The following ZNF536 variants were observed in gnomAD, a reference collection of about 807,000 sequenced individuals.
The protein encoded by ZNF536 is zinc finger protein 536.
A neutral mutation model predicts 84.5 loss-of-function variants in ZNF536; 13 were observed. That is an observed-to-expected ratio of 0.15 (90% CI 0.10 to 0.24). The LOEUF (loss-of-function observed/expected upper bound fraction) is 0.24. ZNF536 is among the 10% of genes least tolerant of loss of function. The pLI is 1.00. For missense variants in ZNF536, 1,536 were observed against 1,747.5 expected (o/e 0.88, Z 2.16); for synonymous variants, 811 against 742.5 (o/e 1.09, Z -1.50).
intron 2 of ZNF536, among the ~76,000 whole-genome samples, chr19:30,452,646 G>C (rs1273432897): frequency 1.3e-5 from 2 of 152,208 alleles, no homozygotes; most frequent in South Asian, 4.1e-4. Flanking sequence ...GGAAGTCAGG[G>C]GAGTGAGTAG....
intron 1 of ZNF536, among the ~76,000 whole-genome samples, chr19:30,631,405 C>T (rs1244786075): frequency 6.6e-6 from 1 of 152,206 alleles, no homozygotes; most frequent in Non-Finnish European, 1.5e-5. Context: ...GGCCCAGTCT[C>T]CAGACCCGGC....
At chr19:30,481,086 T>C (rs1180901640) in intron 2 of ZNF536, among the ~76,000 whole-genome samples, 1 of 152,116 alleles carries the variant, frequency 6.6e-6, no homozygotes, top group Non-Finnish European at 1.5e-5. Context: ...AATACTATAT[T>C]TTTTCTTTCC....
At chr19:30,437,960 T>G (rs921079833) in intron 1 of ZNF536, among the ~76,000 whole-genome samples, 1 of 152,210 alleles carries the variant, frequency 6.6e-6, no homozygotes, top group Non-Finnish European at 1.5e-5. Flanking sequence ...TTTGCTTGCT[T>G]TTAATTGTGC....
At chr19:30,481,812 T>A (rs2054100260) in intron 2 of ZNF536, among the ~76,000 whole-genome samples, 1 of 152,120 alleles carries the variant, frequency 6.6e-6, no homozygotes, top group East Asian at 1.9e-4. Flanking sequence ...TAGTCTTTTA[T>A]CCCTCACCCC....
At chr19:30,551,311 G>A (rs1397170985) in intron 4 of ZNF536, among the ~76,000 whole-genome samples, 1 of 152,126 alleles carries the variant, frequency 6.6e-6, no homozygotes, top group Non-Finnish European at 1.5e-5. Flanking sequence ...AATGAAGGAA[G>A]GCTGCCTGGC....
At chr19:30,231,802 ATGTG>A (rs370690619) in intron 1 of ZNF536, among the ~76,000 whole-genome samples, 1 of 149,672 alleles carries the variant, frequency 6.7e-6, no homozygotes, top group South Asian at 2.1e-4. Flanking sequence ...GGTGGTGGTG[ATGTG>A]TGTGTGTGTG....
chr19:30,497,641 G>C (rs1028772608), intron 2 of ZNF536, among the ~76,000 whole-genome samples: 1 of 152,184 alleles, frequency 6.6e-6, no homozygotes, highest in South Asian at 2.1e-4. Flanking sequence ...GAAAGCAAGG[G>C]GGTGCCCCAG....
intron 1 of ZNF536, among the ~76,000 whole-genome samples, chr19:30,243,450 G>A (rs2024073808): frequency 6.6e-6 from 1 of 152,142 alleles, no homozygotes; most frequent in Non-Finnish European, 1.5e-5. Context: ...GCAGTCTGTA[G>A]TAAGAATTGT....
intron 2 of ZNF536, among the ~76,000 whole-genome samples, chr19:30,454,921 T>C (rs1243502256): frequency 6.6e-6 from 1 of 152,162 alleles, no homozygotes; most frequent in Admixed American, 6.5e-5. Flanking sequence ...TAATCCCAGC[T>C]ACTCGGGAGG....
At chr19:30,637,118 G>T (rs1322336737) in intron 1 of ZNF536, among the ~76,000 whole-genome samples, 1 of 152,108 alleles carries the variant, frequency 6.6e-6, no homozygotes, top group Non-Finnish European at 1.5e-5. Flanking sequence ...CAGCCTCTTG[G>T]GCAAAGTCCT....
At chr19:30,671,351 G>T (rs1213743435) in intron 1 of ZNF536, among the ~76,000 whole-genome samples, 1 of 152,228 alleles carries the variant, frequency 6.6e-6, no homozygotes, top group Non-Finnish European at 1.5e-5. Flanking sequence ...TCACTGGAAA[G>T]GTTGGCCCAG....
Position 30,244,258 on chromosome 19 carries a change from C to T in ZNF536, c.-190+15585C>T, listed in dbSNP as rs2024124152. ...ACTCCTTTCCACCTGACCCATCCCT[C>T]ATTACCCCGAGTTCTTCATAGAGTC... On this transcript the variant is annotated intron_variant, in intron 1 of 5. Transcript: ENST00000585628. Among the ~76,000 whole-genome samples, 2 of 152,116 alleles carry T rather than the reference C, an allele frequency of 1.3e-5. 1 individual carries two copies. Among genetic ancestry groups the T allele is most frequent in the Admixed American group, 1.3e-4 (2 of 15,276 alleles).
intron 2 of ZNF536, among the ~76,000 whole-genome samples, chr19:30,338,459 GTGA>G (rs765991767): frequency 8.7e-5 from 13 of 149,854 alleles, no homozygotes; most frequent in African/African-American, 1.7e-4. Flanking sequence ...TGATGATATG[GTGA>G]TGATGATGAC....
At chr19:30,656,544 G>A (rs1240023123) in intron 1 of ZNF536, among the ~76,000 whole-genome samples, 1 of 152,184 alleles carries the variant, frequency 6.6e-6, no homozygotes, top group Non-Finnish European at 1.5e-5. Context: ...GTTGTTGTGT[G>A]TACAACCGGA....
intron 3 of ZNF536, among the ~76,000 whole-genome samples, chr19:30,547,343 T>C (rs1195179660): frequency 6.6e-6 from 1 of 152,226 alleles, no homozygotes; most frequent in South Asian, 2.1e-4. Context: ...TTAGAAACAG[T>C]GCAGTAGGTC....
intron 2 of ZNF536, among the ~76,000 whole-genome samples, chr19:30,516,079 T>A (rs1267181793): frequency 1.4e-5 from 2 of 147,748 alleles, no homozygotes; most frequent in Admixed American, 1.3e-4. Flanking sequence ...GAAAAAAGAA[T>A]GCCCAGTGCT....
intron 3 of ZNF536, among the ~76,000 whole-genome samples, chr19:30,362,079 GT>G (rs2048294014): frequency 6.6e-6 from 1 of 152,236 alleles, no homozygotes; most frequent in Non-Finnish European, 1.5e-5. Context: ...GGCACGGGCA[GT>G]TGAGAAAGTG....
At chr19:30,323,467 G>A (rs13345658) in intron 2 of ZNF536, among the ~76,000 whole-genome samples, 1 of 152,208 alleles carries the variant, frequency 6.6e-6, no homozygotes, top group East Asian at 1.9e-4. Flanking sequence ...CTAAGTGTAT[G>A]CAGGGAGAGG....
downstream of ZNF536, among the ~76,000 whole-genome samples, chr19:30,558,901 A>G (rs1050107947): frequency 2.0e-5 from 3 of 152,314 alleles, no homozygotes; most frequent in East Asian, 3.9e-4. Flanking sequence ...TCACAACCCC[A>G]AATAAATAAA....
Sources: allele counts gnomAD v4.1 joint callset (sites outside exome capture counted in the v4.1 genomes callset), GRCh38; gene constraint gnomAD v4.1.1; transcripts MANE v1.5; gene names NCBI Gene and HGNC (gene_info 2026-07-23, HGNC 2026-07-21).